The following KLHL7 variants were observed in gnomAD, a reference collection of about 807,000 sequenced individuals.
KLHL7 encodes the protein kelch like family member 7, also known as kelch-like protein 7.
A neutral mutation model predicts 67.4 loss-of-function variants in KLHL7; 44 were observed. The observed-to-expected ratio is 0.65, with a 90% CI of 0.51 to 0.84. KLHL7 has a LOEUF of 0.84. Among genes scored for constraint, KLHL7 ranks in the 40% least tolerant of loss-of-function variants. The pLI is 0.00. For missense variants in KLHL7, 362 were observed against 718.1 expected (o/e 0.50, Z 5.67); for synonymous variants, 252 against 243.3 (o/e 1.04, Z -0.33).
At chr7:23,156,970 G>T (rs1044506435) in intron 7 of KLHL7, among the ~76,000 whole-genome samples, 6 of 152,128 alleles carry the variant, frequency 3.9e-5, no homozygotes, top group African/African-American at 1.4e-4. Context: ...ACATTTTCCT[G>T]TCAGAAATAT....
At chr7:23,133,807 T>C (rs1783882655) in intron 4 of KLHL7, among the ~76,000 whole-genome samples, 1 of 152,244 alleles carries the variant, frequency 6.6e-6, no homozygotes, top group Non-Finnish European at 1.5e-5. Flanking sequence ...TGATTCTGTA[T>C]CCTGCAACTT....
At chr7:23,124,186 G>C (rs1783468515) in intron 2 of KLHL7, among the ~76,000 whole-genome samples, 1 of 61,730 alleles carries the variant, frequency 1.6e-5, no homozygotes, top group African/African-American at 7.7e-5. Context: ...GCGAGACTCT[G>C]TCTCAAAAAA....
intron 10 of KLHL7, 34 bp from the exon 11 acceptor site, chr7:23,173,971 GTTGATATAGT>G (rs753053575): frequency 1.3e-6 from 2 of 1,578,908 alleles, no homozygotes; most frequent in East Asian, 4.5e-5. Context: ...CCTTAGAATT[GTTGATATAGT>G]TTTTCATGTT....
intron 1 of KLHL7, among the ~76,000 whole-genome samples, chr7:23,116,304 C>T (rs1196811302): frequency 1.3e-5 from 2 of 152,220 alleles, no homozygotes; most frequent in Non-Finnish European, 2.9e-5. Context: ...CCCACAGGGA[C>T]CACTATGGCC....
intron 1 of KLHL7, among the ~76,000 whole-genome samples, chr7:23,123,437 T>G (rs906819090): frequency 2.3e-4 from 35 of 151,902 alleles, no homozygotes; most frequent in African/African-American, 8.5e-4. Context: ...GTCATTGAAT[T>G]TCCCCCAGAA....
chr7:23,148,395 TAAA>T (rs74274528), intron 6 of KLHL7, among the ~76,000 whole-genome samples: 1 of 99,062 alleles, frequency 1.0e-5, no homozygotes, highest in East Asian at 2.6e-4. Flanking sequence ...ACAAGAAAAT[TAAA>T]AAAAAAAAAA....
chr7:23,158,821 T>A (rs1433855537), intron 7 of KLHL7, among the ~76,000 whole-genome samples: 1 of 152,168 alleles, frequency 6.6e-6, no homozygotes, highest in Non-Finnish European at 1.5e-5. Context: ...ATTGTCCTGA[T>A]GTGTGATAGA....
chr7:23,146,065 G>C (rs1441528437), intron 6 of KLHL7, among the ~76,000 whole-genome samples: 1 of 152,146 alleles, frequency 6.6e-6, no homozygotes, highest in African/African-American at 2.4e-5. Context: ...ATCCTTTTCT[G>C]TGCTGTTCTC....
At chr7:23,138,895 A>G (rs969455056) in intron 4 of KLHL7, among the ~76,000 whole-genome samples, 3 of 152,144 alleles carry the variant, frequency 2.0e-5, no homozygotes, top group African/African-American at 7.2e-5. Context: ...AACCTTTCAA[A>G]GAATAGATTA....
intron 1 of KLHL7, among the ~76,000 whole-genome samples, chr7:23,121,786 C>A (rs934540425): frequency 6.6e-5 from 10 of 151,034 alleles, no homozygotes; most frequent in Non-Finnish European, 5.9e-5. Context: ...GGGTTCATGC[C>A]GTTCTCCTGC....
intron 7 of KLHL7, among the ~76,000 whole-genome samples, chr7:23,154,892 C>T (rs1325299240): frequency 6.6e-6 from 1 of 152,194 alleles, no homozygotes; most frequent in Non-Finnish European, 1.5e-5. Context: ...TCAGCAGTTC[C>T]TCCAAGGCAA....
intron 1 of KLHL7, among the ~76,000 whole-genome samples, chr7:23,108,244 T>G (rs1583628180): frequency 6.6e-6 from 1 of 152,262 alleles, no homozygotes; most frequent in South Asian, 2.1e-4. Context: ...TCTCTCATTA[T>G]TTCATTTTGT....
intron 1 of KLHL7, among the ~76,000 whole-genome samples, chr7:23,109,897 C>T (rs1782795936): frequency 6.6e-6 from 1 of 152,066 alleles, no homozygotes; most frequent in Non-Finnish European, 1.5e-5. Context: ...TTTTCTTTTT[C>T]TGTCTGTCCA....
rs181406826 is a variant in KLHL7, at chr7:23,156,058, G to A, written c.936+3849G>A. The A allele has an allele frequency of 1.3e-3, 598 of 462,896 alleles. 11 individuals are homozygous for A. The Admixed American group carries it at 0.013, about 10-fold the overall frequency. 28.7% of individuals were successfully genotyped at this position (462,896 alleles called of 1,614,324 possible). A position where few individuals can be genotyped will look rare whatever the true frequency, so the allele number is the denominator to read the frequency against. On this transcript the variant is annotated intron_variant, in intron 7 of 10. Transcript: ENST00000339077. ...GACTGTAACTTCAGAATTCTCATTT[G>A]TTGTCTTGCCTTGCTCTTATAAATG...
chr7:23,117,778 C>T (rs1783155244), intron 1 of KLHL7: 1 of 1,480,448 alleles, frequency 6.8e-7, no homozygotes, highest in Non-Finnish European at 9.1e-7. Context: ...AGTAACTAAT[C>T]CAAGAAAATT....
At chr7:23,120,171 G>A (rs1456382615) in intron 1 of KLHL7, among the ~76,000 whole-genome samples, 1 of 152,016 alleles carries the variant, frequency 6.6e-6, no homozygotes, top group Middle Eastern at 3.2e-3. Flanking sequence ...CACCACACCT[G>A]GCTATGTTTT....
chr7:23,115,863 G>A (rs1001790257), intron 1 of KLHL7, among the ~76,000 whole-genome samples: 2 of 152,104 alleles, frequency 1.3e-5, no homozygotes, highest in South Asian at 4.1e-4. Context: ...CTTTTTCTTA[G>A]ACAATTGTTA....
intron 1 of KLHL7, among the ~76,000 whole-genome samples, chr7:23,109,092 T>G (rs1782761208): frequency 6.6e-6 from 1 of 152,234 alleles, no homozygotes; most frequent in South Asian, 2.1e-4. Flanking sequence ...TATACCACCT[T>G]CAGCTTTAAA....
intron 1 of KLHL7, among the ~76,000 whole-genome samples, chr7:23,110,488 C>T (rs1782820380): frequency 6.6e-6 from 1 of 152,210 alleles, no homozygotes; most frequent in Admixed American, 6.5e-5. Context: ...GTTTTAACCT[C>T]TCCAGCTTTT....
Sources: allele counts gnomAD v4.1 joint callset (sites outside exome capture counted in the v4.1 genomes callset), GRCh38; gene constraint gnomAD v4.1.1; transcripts MANE v1.5; gene names NCBI Gene and HGNC (gene_info 2026-07-23, HGNC 2026-07-21).